Variants in DYNC1LI1 observed in about 807,000 individuals in gnomAD.
DYNC1LI1 encodes cytoplasmic dynein 1 light intermediate chain 1.
DYNC1LI1 carries 19 observed loss-of-function variants against 63.8 expected under a neutral mutation model. The observed-to-expected ratio is 0.30, with a 90% confidence interval of 0.21 to 0.44. The LOEUF (loss-of-function observed/expected upper bound fraction) is 0.44. Among genes scored for constraint, DYNC1LI1 ranks in the 20% least tolerant of loss-of-function variants. DYNC1LI1 has a pLI of 1.00. For synonymous variants in DYNC1LI1, 225 were observed against 232.3 expected, an observed-to-expected ratio of 0.97 and a Z score of 0.28; for missense variants, 565 against 630.2, an observed-to-expected ratio of 0.90 and a Z score of 1.11.
At chr3:32,532,146 T>C (rs1697705931) in intron 8 of DYNC1LI1, 1 of 151,978 alleles carries the variant, frequency 6.6e-6, no homozygotes, top group Non-Finnish European at 1.5e-5. Flanking sequence ...TGGGATCTGA[T>C]TGGATAGATT....
At chr3:32,551,810 CT>C (rs35237521) in intron 2 of DYNC1LI1, among the ~76,000 whole-genome samples, 1 of 152,208 alleles carries the variant, frequency 6.6e-6, no homozygotes, top group East Asian at 1.9e-4. Context: ...GGTCCTAAGT[CT>C]TTTTTGCAGA....
chr3:32,556,093 C>G (rs1286966215), intron 2 of DYNC1LI1, among the ~76,000 whole-genome samples: 5 of 152,344 alleles, frequency 3.3e-5, no homozygotes, highest in African/African-American at 1.2e-4. Context: ...GCTCTAGACA[C>G]ACAATTTCTT....
intron 2 of DYNC1LI1, among the ~76,000 whole-genome samples, chr3:32,564,060 G>A (rs927473048): frequency 6.6e-5 from 10 of 152,324 alleles, no homozygotes; most frequent in Admixed American, 2.0e-4. Context: ...CAGTGATTCA[G>A]GAGACTGAGG....
Position 32,547,666 on chromosome 3 carries a change from T to G in DYNC1LI1, c.221-1701A>C, listed in dbSNP as rs184112617. 1.3e-4 allele frequency among the ~76,000 whole-genome samples: 20 copies of G among 152,292 alleles called. No individual in the cohort carries two copies. In the East Asian group the frequency reaches 1.5e-3, roughly 12 times the overall value. On this transcript the variant is annotated intron_variant, in intron 2 of 12. Transcript: ENST00000273130. Reference sequence around the variant, plus strand: ...CAGAGCAGTCAATTCCATATTCAACTGCACCAGGCAGACTGGTTCTTTTTA... The same window carrying G: ...CAGAGCAGTCAATTCCATATTCAACGGCACCAGGCAGACTGGTTCTTTTTA...
At chr3:32,538,047 A>AT (rs1398939435) in intron 5 of DYNC1LI1, among the ~76,000 whole-genome samples, 867 of 6,858 alleles carry the variant, frequency 0.13, 121 homozygotes, top group East Asian at 0.34. Context: ...ATATATATAT[A>AT]ATTATATATA....
At chr3:32,537,938 A>AATTTATATATATATAT (rs1491496620) in intron 5 of DYNC1LI1, among the ~76,000 whole-genome samples, 2 of 10,282 alleles carry the variant, frequency 1.9e-4, no homozygotes, top group African/African-American at 4.3e-4. Context: ...TATATATATA[A>AATTTATATATATATAT]TATATATATA....
intron 9 of DYNC1LI1, 25 bp downstream of exon 9, chr3:32,530,436 G>A: frequency 6.2e-7 from 1 of 1,610,280 alleles, no homozygotes; most frequent in Middle Eastern, 1.7e-4. Flanking sequence ...ACCATACTAA[G>A]TCTGCTTCTG....
At chr3:32,530,632 CCTATA>C (rs1405714269) in intron 8 of DYNC1LI1, 112 bp from the exon 9 acceptor site, 21 of 939,520 alleles carry the variant, frequency 2.2e-5, no homozygotes, top group East Asian at 2.6e-5. Flanking sequence ...TTGAACATTA[CCTATA>C]CTATATTTAT....
chr3:32,531,711 G>A (rs1330478897), intron 8 of DYNC1LI1: 1 of 151,968 alleles, frequency 6.6e-6, no homozygotes, highest in African/African-American at 2.4e-5. Flanking sequence ...AACAGAAGAT[G>A]GATGCTTTAT....
intron 10 of DYNC1LI1, 82 bp downstream of exon 10, chr3:32,530,202 A>C (rs1697676633): frequency 8.6e-7 from 1 of 1,158,298 alleles, no homozygotes; most frequent in African/African-American, 1.6e-5. Flanking sequence ...CACCCATATG[A>C]AATATGTACA....
chr3:32,546,123 C>T (rs1247470881), intron 2 of DYNC1LI1, among the ~76,000 whole-genome samples, 158 bp from the exon 3 acceptor site: 4 of 152,092 alleles, frequency 2.6e-5, no homozygotes, highest in Non-Finnish European at 4.4e-5. Flanking sequence ...AACATGCAGA[C>T]TTGGCTGGGC....
At chr3:32,569,548 T>C (rs540365986) in intron 2 of DYNC1LI1, among the ~76,000 whole-genome samples, 100 of 152,284 alleles carry the variant, frequency 6.6e-4, no homozygotes, top group African/African-American at 2.4e-3. Flanking sequence ...ACTTCAGTTA[T>C]CTCGCATGTA....
rs1355475556 is a variant in DYNC1LI1 at position 32,566,546 on chromosome 3, G to A, written c.220+3800C>T. ...ACCTGAGGTCAGGAGTTCGAGACCA[G>A]CCTGACCAACATGGAGAAACTGTCT... On this transcript the variant is annotated intron_variant, in intron 2 of 12. Coordinates refer to ENST00000273130, the MANE Select transcript of DYNC1LI1 (RefSeq NM_016141.4). The A allele has an allele frequency of 1.2e-5, 3 of 246,592 alleles. No individual in the cohort carries two copies. The East Asian group carries it at 4.4e-4, about 36-fold the overall frequency. 15.3% of individuals were successfully genotyped at this position (246,592 alleles called of 1,614,324 possible).
rs564751442 is a variant in DYNC1LI1, at chr3:32,539,530, C to CTAT, written c.738+1504_738+1506dup. 9.3e-3 allele frequency among the ~76,000 whole-genome samples: 1,410 copies of CTAT among 150,972 alleles called. 30 individuals are homozygous for CTAT. The highest frequency in any genetic ancestry group is 0.03 in the African/African-American group (1,245 of 41,196). On this transcript the variant is annotated intron_variant, in intron 5 of 12. Transcript: ENST00000273130. The stretch of plus-strand genomic sequence containing the variant: ...CAAGTGGGGAGAACATGAAATTGAT[C>CTAT]TATTATTATTATTATTATTATTATT...
chr3:32,562,573 C>G (rs769051577), intron 2 of DYNC1LI1, among the ~76,000 whole-genome samples: 2 of 152,166 alleles, frequency 1.3e-5, no homozygotes, highest in African/African-American at 2.4e-5. Flanking sequence ...GCCATGCCCC[C>G]ACCTTGGCCT....
At chr3:32,570,242 T>TG in intron 2 of DYNC1LI1, 104 bp downstream of exon 2, 1 of 940,426 alleles carries the variant, frequency 1.1e-6, no homozygotes, top group Non-Finnish European at 1.7e-6. Context: ...GGGGCGGGGC[T>TG]GGGCCGGCTG....
chr3:32,544,157 T>C (rs12054085), intron 4 of DYNC1LI1, among the ~76,000 whole-genome samples: 9,719 of 152,256 alleles, frequency 0.064, 355 homozygotes, highest in Non-Finnish European at 0.077. Context: ...CCAATTCACA[T>C]AGGCATGTAC....
At chr3:32,558,403 T>TAAAAAA (rs533076265) in intron 2 of DYNC1LI1, among the ~76,000 whole-genome samples, 809 of 89,930 alleles carry the variant, frequency 9.0e-3, no homozygotes, top group Middle Eastern at 0.015. Flanking sequence ...TTTAAAAATG[T>TAAAAAA]AAAAAAAAAA....
In DYNC1LI1 at chr3:32,566,141, AC is replaced by A. The variant is rs376894409; in HGVS notation, c.220+4204del. 1.0e-2 allele frequency among the ~76,000 whole-genome samples: 1,517 copies of A among 152,120 alleles called. 7 individuals carry two copies. Among genetic ancestry groups the A allele is most frequent in the South Asian group, 0.032 (154 of 4,818 alleles). ...ACAAAAACTGGCTAGGAGTGGTGAC[AC>A]GCACCTGTAGTCCCAGCTACTTAGG... On this transcript the variant is annotated intron_variant, in intron 2 of 12. Transcript: ENST00000273130.
Sources: allele counts gnomAD v4.1 joint callset (sites outside exome capture counted in the v4.1 genomes callset), GRCh38; gene constraint gnomAD v4.1.1; transcripts MANE v1.5; gene names NCBI Gene and HGNC (gene_info 2026-07-23, HGNC 2026-07-21).